Variants in CPNE8 observed in about 807,000 individuals in gnomAD.
The protein encoded by CPNE8 is copine-8.
A neutral mutation model predicts 81.5 loss-of-function variants in CPNE8; 45 were observed. The observed-to-expected ratio is 0.55, with a 90% confidence interval of 0.44 to 0.71. The LOEUF is 0.71. CPNE8 is among the 30% of genes least tolerant of loss of function. The pLI is 0.00. For synonymous variants in CPNE8, 252 were observed against 226.3 expected (o/e 1.11, Z -1.02); for missense variants, 594 against 672.1 (o/e 0.88, Z 1.28).
chr12:38,671,053 A>AT, intron 18 of CPNE8: 2 of 382,424 alleles, frequency 5.2e-6, no homozygotes, highest in Non-Finnish European at 9.4e-6. Flanking sequence ...CTCTGGGTCT[A>AT]TCTCTTTGTA....
upstream of CPNE8, chr12:38,906,310 C>G (rs1180800857): frequency 8.9e-6 from 6 of 673,274 alleles, no homozygotes; most frequent in Middle Eastern, 1.5e-3. Context: ...AGTGGCCGAT[C>G]AATATATGGG....
At chr12:38,839,616 T>C (rs188434771) in intron 5 of CPNE8, among the ~76,000 whole-genome samples, 1 of 152,140 alleles carries the variant, frequency 6.6e-6, no homozygotes, top group Non-Finnish European at 1.5e-5. Context: ...ACACTTGCAA[T>C]TTCATCTTGC....
chr12:38,792,617 T>A (rs1014716509), intron 6 of CPNE8, among the ~76,000 whole-genome samples: 1 of 151,554 alleles, frequency 6.6e-6, no homozygotes, highest in Admixed American at 6.6e-5. Flanking sequence ...AAAGCATAAG[T>A]CCCAATGGTT....
chr12:38,876,221 C>CT (rs924833402), intron 1 of CPNE8, among the ~76,000 whole-genome samples: 16 of 151,238 alleles, frequency 1.1e-4, no homozygotes, highest in East Asian at 5.8e-4. Context: ...GATGAGTATT[C>CT]TTTTTTTTTG....
chr12:38,747,786 G>A (rs776160184), intron 10 of CPNE8, among the ~76,000 whole-genome samples: 2 of 151,780 alleles, frequency 1.3e-5, no homozygotes, highest in African/African-American at 2.4e-5. Flanking sequence ...TACTAATCAC[G>A]CTGAATACTT....
At chr12:38,834,975 A>C (rs1440825098) in intron 5 of CPNE8, among the ~76,000 whole-genome samples, 2 of 151,040 alleles carry the variant, frequency 1.3e-5, no homozygotes, top group Non-Finnish European at 2.9e-5. Flanking sequence ...TCCCTGGTTC[A>C]TCCCTGGTTC....
upstream of CPNE8, chr12:38,905,649 G>T: frequency 6.7e-7 from 1 of 1,495,794 alleles, no homozygotes; most frequent in South Asian, 1.3e-5. Flanking sequence ...GAAGAAGGAG[G>T]CGGAGGCAGC....
In CPNE8 at chr12:38,761,701, C is replaced by T. The variant is rs139797467; in HGVS notation, c.680+411G>A. Among the ~76,000 whole-genome samples the T allele has an allele frequency of 2.0e-3, 304 of 152,078 alleles. 2 individuals are homozygous for T. The highest frequency in any genetic ancestry group is 7.2e-3 in the African/African-American group (298 of 41,490). On this transcript the variant is annotated intron_variant, in intron 9 of 19. Transcript: ENST00000331366. The stretch of plus-strand genomic sequence containing the variant: ...TCTTCAGGTATATTGTGGGAAAATC[C>T]TCAGGACCACCTTACCCAGCTAATT...
rs73274737 is a variant in CPNE8, at chr12:38,853,467, C to A, written c.187-4805G>T. Among the ~76,000 whole-genome samples the A allele has an allele frequency of 2.0e-5, 3 of 151,604 alleles. No homozygotes were observed. The East Asian group carries it at 5.8e-4, about 29-fold the overall frequency. On this transcript the variant is annotated intron_variant, in intron 3 of 19. Coordinates refer to ENST00000331366, the MANE Select transcript of CPNE8 (RefSeq NM_153634.3). ...GGCACAATGTACATGTACAAATATG[C>A]GGAAGCCAAGCACTTTTACATAATG...
At chr12:38,810,007 A>G (rs1942900336) in intron 6 of CPNE8, among the ~76,000 whole-genome samples, 1 of 152,218 alleles carries the variant, frequency 6.6e-6, no homozygotes. Flanking sequence ...TTCATGGTTC[A>G]CAACTCCATC....
intron 3 of CPNE8, among the ~76,000 whole-genome samples, chr12:38,858,066 G>A (rs1028077183): frequency 1.3e-4 from 20 of 152,270 alleles, no homozygotes; most frequent in South Asian, 6.2e-4. Context: ...TTATAACCCA[G>A]GAATGCCTTT....
chr12:38,864,855 G>A (rs560574144), intron 3 of CPNE8, among the ~76,000 whole-genome samples: 8 of 152,194 alleles, frequency 5.3e-5, no homozygotes, highest in Middle Eastern at 3.4e-3. Flanking sequence ...GGATCATATC[G>A]CTATCTAAGA....
chr12:38,900,519 G>C (rs770479663), intron 1 of CPNE8, among the ~76,000 whole-genome samples: 6 of 152,136 alleles, frequency 3.9e-5, no homozygotes, highest in Non-Finnish European at 7.3e-5. Context: ...AAGACTAAGA[G>C]TGGTAATATA....
chr12:38,685,946 A>T (rs960851913), intron 15 of CPNE8, among the ~76,000 whole-genome samples: 1 of 152,140 alleles, frequency 6.6e-6, no homozygotes, highest in African/African-American at 2.4e-5. Context: ...AGGTTTGGGT[A>T]CATGTGGAGA....
At chr12:38,848,494 C>G (rs919865094) in intron 4 of CPNE8, 65 bp downstream of exon 4, 1 of 1,483,078 alleles carries the variant, frequency 6.7e-7, no homozygotes, top group Admixed American at 2.7e-5. Flanking sequence ...TAGGACCCTG[C>G]CTTACATTAG....
intron 6 of CPNE8, among the ~76,000 whole-genome samples, chr12:38,791,472 A>G (rs886404136): frequency 6.6e-6 from 1 of 151,672 alleles, no homozygotes; most frequent in Non-Finnish European, 1.5e-5. Flanking sequence ...GGTTGAAAAA[A>G]AGGAATAAAA....
chr12:38,669,890 C>G (rs1367865559), intron 19 of CPNE8, among the ~76,000 whole-genome samples: 1 of 152,146 alleles, frequency 6.6e-6, no homozygotes, highest in Non-Finnish European at 1.5e-5. Context: ...GGAACAGACA[C>G]ACAACTCTCC....
chr12:38,899,990 A>G (rs1321288030), intron 1 of CPNE8, among the ~76,000 whole-genome samples: 1 of 152,228 alleles, frequency 6.6e-6, no homozygotes, highest in Non-Finnish European at 1.5e-5. Flanking sequence ...TGACAGTAAC[A>G]TGTAGTAAAG....
At chr12:38,799,135 A>T (rs1252796740) in intron 6 of CPNE8, among the ~76,000 whole-genome samples, 8 of 152,188 alleles carry the variant, frequency 5.3e-5, no homozygotes, top group Admixed American at 5.2e-4. Flanking sequence ...CATTAGACAG[A>T]TCAACGAGAC....
Sources: allele counts gnomAD v4.1 joint callset (sites outside exome capture counted in the v4.1 genomes callset), GRCh38; gene constraint gnomAD v4.1.1; transcripts MANE v1.5; gene names NCBI Gene and HGNC (gene_info 2026-07-23, HGNC 2026-07-21).